The following TRIM29 variants were observed in gnomAD, a reference collection of about 807,000 sequenced individuals.
TRIM29 encodes tripartite motif-containing protein 29.
In TRIM29, 52 loss-of-function variants were observed where a neutral mutation model predicts 57.3. That is an observed-to-expected ratio of 0.91 (90% confidence interval 0.73 to 1.14). The LOEUF (loss-of-function observed/expected upper bound fraction) is 1.14, where lower values mean the gene tolerates loss of function less well. Among genes scored for constraint, TRIM29 ranks in the 50% most tolerant of loss-of-function variants. The pLI, the probability that TRIM29 is intolerant of heterozygous loss-of-function variation, is 0.00. For missense variants in TRIM29, 753 were observed against 774.6 expected, an observed-to-expected ratio of 0.97 and a Z score of 0.33; for synonymous variants, 319 against 316.9, an observed-to-expected ratio of 1.01 and a Z score of -0.07.
chr11:120,132,119 G>C (rs1863734610), intron 1 of TRIM29, among the ~76,000 whole-genome samples: 1 of 151,526 alleles, frequency 6.6e-6, no homozygotes, highest in African/African-American at 2.4e-5. Flanking sequence ...GTCTTCTGTG[G>C]CATCGTCCTT....
intron 8 of TRIM29, chr11:120,113,509 A>T (rs1166631762): frequency 2.4e-6 from 1 of 409,220 alleles, no homozygotes; most frequent in Non-Finnish European, 4.9e-6. Flanking sequence ...CCAATACAGG[A>T]GACATCATTT....
chr11:120,119,419 C>T (rs1307489024), intron 6 of TRIM29, among the ~76,000 whole-genome samples: 1 of 152,192 alleles, frequency 6.6e-6, no homozygotes, highest in Non-Finnish European at 1.5e-5. Flanking sequence ...GCAAAGCCCT[C>T]CCACAGGGAT....
At chr11:120,121,250 C>T (rs1863437965) in intron 5 of TRIM29, 2 of 226,852 alleles carry the variant, frequency 8.8e-6, no homozygotes, top group East Asian at 1.1e-4. Flanking sequence ...AGCCTTTGTG[C>T]CTGTGTTCCC....
chr11:120,129,028 GT>G, intron 1 of TRIM29: 1 of 794,508 alleles, frequency 1.3e-6, no homozygotes, highest in Non-Finnish European at 1.7e-6. Context: ...TATAAAACCT[GT>G]TTATGGGAAA....
At chr11:120,132,746 A>G (rs1863744744) in intron 1 of TRIM29, among the ~76,000 whole-genome samples, 1 of 152,322 alleles carries the variant, frequency 6.6e-6, no homozygotes, top group South Asian at 2.1e-4. Context: ...TTAATTGCCA[A>G]ATTTGTACTC....
In TRIM29 at chr11:120,137,955, C is replaced by G; in HGVS notation, c.77G>C (p.Ser26Thr). 1.9e-6 allele frequency: 3 copies of G among 1,607,350 alleles called. No individual in the cohort carries two copies. Among genetic ancestry groups the G allele is most frequent in the Middle Eastern group, 1.7e-4 (1 of 6,054 alleles). ...ARDARSPSGP[S>T]GSLENGTKAD... is the part of the protein sequence containing the mutation. ...CTTGGTGCCATTCTCCAGGCTGCCA[C>G]TGGGGCCCGACGGGCTCCGGGCATC... Residue 26 changes from serine (S) to threonine (T), a missense_variant, in exon 1 of 9, where the codon AGT becomes ACT. Transcript: ENST00000341846. The surrounding 1 kb of genome is among the most constrained non-coding windows in gnomAD (Gnocchi z 6.2).
In TRIM29 at chr11:120,112,462, T is replaced by C. The variant is rs1422066225; in HGVS notation, c.1719A>G (p.Pro573=). 1.9e-6 allele frequency: 3 copies of C among 1,613,368 alleles called. No homozygotes were observed. Among genetic ancestry groups the C allele is most frequent in the South Asian group, 1.1e-5 (1 of 90,976 alleles). ...TCCCGTTGCCTTTGTTGACGTAGAATGGCCGGTAGTGAGACTGTGGGGGAA... is the reference window on the plus strand; with the variant it reads ...TCCCGTTGCCTTTGTTGACGTAGAACGGCCGGTAGTGAGACTGTGGGGGAA... The part of the protein sequence containing the change: ...GKQTMLSHYR[P]FYVNKGNGIG... The change falls in exon 9 of 9, where the codon CCA becomes CCG. Residue 573 remains proline (P), a synonymous_variant. Transcript: ENST00000341846.
Position 120,136,098 on chromosome 11 carries a change from G to A in TRIM29, c.804+1130C>T, listed in dbSNP as rs575648277. 1.3e-4 allele frequency among the ~76,000 whole-genome samples: 20 copies of A among 152,206 alleles called. No homozygotes were observed. In the South Asian group the frequency reaches 2.1e-3, roughly 16 times the overall value. On this transcript the variant is annotated intron_variant, in intron 1 of 8. Coordinates refer to ENST00000341846, the MANE Select transcript of TRIM29 (RefSeq NM_012101.4). ...ATAGAACTCATGCAAACACACTTACGTATCACATATATGAATACATGCAAA... is the reference window on the plus strand; with the variant it reads ...ATAGAACTCATGCAAACACACTTACATATCACATATATGAATACATGCAAA...
chr11:120,115,688 A>G, intron 7 of TRIM29: 1 of 463,856 alleles, frequency 2.2e-6, no homozygotes, highest in Non-Finnish European at 3.9e-6. Context: ...TTGCCCCCAC[A>G]TCCAGCGCAG....
chr11:120,119,158 T>C (rs1037303027), intron 6 of TRIM29, among the ~76,000 whole-genome samples: 7 of 152,102 alleles, frequency 4.6e-5, no homozygotes, highest in African/African-American at 1.7e-4. Context: ...TGTTCTATAG[T>C]CCAGAGGAGA....
chr11:120,125,390 C>G (rs12224472), intron 4 of TRIM29: 14 of 407,966 alleles, frequency 3.4e-5, no homozygotes, highest in Admixed American at 7.5e-5. Flanking sequence ...TAGATCTGAA[C>G]GAAACCAGTC....
At chr11:120,131,055 T>C (rs1318320502) in intron 1 of TRIM29, among the ~76,000 whole-genome samples, 1 of 151,838 alleles carries the variant, frequency 6.6e-6, no homozygotes, top group Admixed American at 6.6e-5. Flanking sequence ...CTGGTGGAAA[T>C]GAAGGAGGAC....
chr11:120,120,187 A>G (rs1265381721), intron 6 of TRIM29, among the ~76,000 whole-genome samples: 3 of 151,018 alleles, frequency 2.0e-5, no homozygotes, highest in Non-Finnish European at 1.5e-5. Flanking sequence ...GGGGTGGCGC[A>G]TTCCCCACAC....
chr11:120,136,987 G>A (rs557655120), intron 1 of TRIM29, among the ~76,000 whole-genome samples: 5 of 152,200 alleles, frequency 3.3e-5, no homozygotes, highest in South Asian at 2.1e-4. Flanking sequence ...GTCTCCATCC[G>A]CTCATCTAGA....
chr11:120,117,942 C>T (rs1863318052), intron 7 of TRIM29: 1 of 465,766 alleles, frequency 2.1e-6, no homozygotes, highest in South Asian at 2.2e-5. Flanking sequence ...GGGGGTATGG[C>T]ATGTCCCCCG....
chr11:120,113,195 C>G (rs1047328838), intron 8 of TRIM29, among the ~76,000 whole-genome samples: 4 of 152,318 alleles, frequency 2.6e-5, no homozygotes, highest in African/African-American at 9.6e-5. Context: ...TTGCCTCTCT[C>G]GTCCTGTTCC....
At chr11:120,122,905 C>T in intron 5 of TRIM29, 49 bp downstream of exon 5, 1 of 1,562,450 alleles carries the variant, frequency 6.4e-7, no homozygotes, top group Non-Finnish European at 8.8e-7. Flanking sequence ...TTGGGGGCCC[C>T]TGGGCAGCAG....
chr11:120,137,448 CAGA>C lies in TRIM29; in HGVS notation c.581_583del (p.Phe194del). 2 of 1,606,362 alleles carry C rather than the reference CAGA, an allele frequency of 1.2e-6. No homozygotes were observed. Among genetic ancestry groups the C allele is most frequent in the Admixed American group, 1.7e-5 (1 of 60,010 alleles). ...CAGGTGGGGCTTGAGATGCAGCTCGCAGAAGGAGGCCTGGCACACCAGGCAGGA... is the reference window on the plus strand; with the variant it reads ...CAGGTGGGGCTTGAGATGCAGCTCGCAGGAGGCCTGGCACACCAGGCAGGA... On this transcript the variant is annotated inframe_deletion, in exon 1 of 9. Transcript: ENST00000341846. This position sits in a 1 kb window ranked among gnomAD's most constrained non-coding sequence, Gnocchi z 6.2.
rs1175989698 is a variant in TRIM29 at position 120,138,043 on chromosome 11, T to C, written c.-12A>G. 1 of 1,581,024 alleles carries C rather than the reference T, an allele frequency of 6.3e-7. No individual in the cohort carries two copies. ...TCTGCAGCTTCCATCGCAGGGTGCT[T>C]GGCTGAGCTGTTTCAGGCTTGCTGG... On this transcript the variant is annotated 5_prime_UTR_variant, in exon 1 of 9. Coordinates refer to ENST00000341846, the MANE Select transcript of TRIM29 (RefSeq NM_012101.4).
Sources: allele counts gnomAD v4.1 joint callset (sites outside exome capture counted in the v4.1 genomes callset), GRCh38; gene constraint gnomAD v4.1.1; non-coding constraint Gnocchi (gnomAD v3.1); transcripts MANE v1.5; gene names NCBI Gene and HGNC (gene_info 2026-07-23, HGNC 2026-07-21).